TDRD9: variants seen among roughly 807,000 people sequenced by gnomAD.
The protein encoded by TDRD9 is tudor domain containing 9, also known as ATP-dependent RNA helicase TDRD9.
In TDRD9, 124 loss-of-function variants were observed where a neutral mutation model predicts 172.6. The ratio of observed to expected loss-of-function variants is 0.72; its 90% confidence interval spans 0.62 to 0.83. The LOEUF is 0.83. TDRD9 is among the 40% of genes least tolerant of loss of function. The pLI, the probability that TDRD9 is intolerant of heterozygous loss-of-function variation, is 0.00. For synonymous variants in TDRD9, 619 were observed against 617.1 expected (o/e 1.00, Z -0.05); for missense variants, 1,479 against 1,714.1 (o/e 0.86, Z 2.42).
At position 104,026,717 on chromosome 14, in the gene TDRD9, A is replaced by C; in HGVS notation, c.3060A>C (p.Ala1020=). Reference sequence around the variant, plus strand: ...AGATTTGCAAAATGAGACCATCAGCAAAGTCTCTTGTTTGTGGCAAGCACT... The same window carrying C: ...AGATTTGCAAAATGAGACCATCAGCCAAGTCTCTTGTTTGTGGCAAGCACT... ...EFKICKMRPS[A]KSLVCGKHWS... is the part of the protein sequence containing the mutation. Residue 1020 remains alanine, a synonymous_variant, in exon 28 of 36, where the codon GCA becomes GCC. Transcript: ENST00000409874. The C allele has an allele frequency of 6.2e-7, 1 of 1,614,062 alleles. No individual in the cohort carries two copies. Among genetic ancestry groups the C allele is most frequent in the Non-Finnish European group, 8.5e-7 (1 of 1,179,884 alleles).
At chr14:103,938,916 G>A (rs938775635) in intron 1 of TDRD9, among the ~76,000 whole-genome samples, 2 of 152,102 alleles carry the variant, frequency 1.3e-5, no homozygotes, top group African/African-American at 4.8e-5. Context: ...ACCCTCACAG[G>A]ATATGAGTAT....
At chr14:103,995,848 T>G in intron 12 of TDRD9, 41 bp downstream of exon 12, 1 of 1,546,918 alleles carries the variant, frequency 6.5e-7, no homozygotes, top group Non-Finnish European at 8.8e-7. Flanking sequence ...TTAGCTGTAG[T>G]GCCATATTTA....
At chr14:103,956,138 AT>A (rs1566738440) in intron 2 of TDRD9, among the ~76,000 whole-genome samples, 13 of 111,418 alleles carry the variant, frequency 1.2e-4, no homozygotes, top group African/African-American at 3.7e-4. Flanking sequence ...ATATATATAT[AT>A]ATATATATAT....
At chr14:103,993,928 C>T (rs749067370) in intron 9 of TDRD9, among the ~76,000 whole-genome samples, 33 of 152,142 alleles carry the variant, frequency 2.2e-4, no homozygotes, top group African/African-American at 7.0e-4. Flanking sequence ...GCAAACAGGA[C>T]GGAGGCCTGA....
chr14:103,989,730 C>T (rs2033800586), intron 8 of TDRD9, among the ~76,000 whole-genome samples: 1 of 152,180 alleles, frequency 6.6e-6, no homozygotes, highest in Non-Finnish European at 1.5e-5. Context: ...TGGTAGCAGC[C>T]GGATGAGTCT....
At position 104,031,165 on chromosome 14, in the gene TDRD9, GGCTCT is replaced by G; in HGVS notation, c.3342_3346del (p.Ser1115AlafsTer23). 1 of 1,551,622 alleles carries G rather than the reference GGCTCT, an allele frequency of 6.4e-7. No homozygotes were observed. Among genetic ancestry groups the G allele is most frequent in the Non-Finnish European group, 8.7e-7 (1 of 1,146,938 alleles). On this transcript the variant is annotated frameshift_variant, in exon 29 of 36. Coordinates refer to ENST00000409874, the MANE Select transcript of TDRD9 (RefSeq NM_153046.3). LOFTEE classifies it high-confidence loss of function. Reference sequence around the variant, plus strand: ...CAAGTCAGTAGAAAACATGACAGATGGCTCTGTGCCCTTTCCCATGAAAGACGACG... The same window carrying G: ...CAAGTCAGTAGAAAACATGACAGATGGTGCCCTTTCCCATGAAAGACGACG...
chr14:103,955,516 C>T, intron 1 of TDRD9, 148 bp from the exon 2 acceptor site: 1 of 530,336 alleles, frequency 1.9e-6, no homozygotes, highest in East Asian at 3.4e-5. Flanking sequence ...TAATTTGCAT[C>T]TGCCTGGTAA....
intron 7 of TDRD9, among the ~76,000 whole-genome samples, chr14:103,985,335 C>G (rs1489911976): frequency 6.6e-6 from 1 of 152,142 alleles, no homozygotes; most frequent in East Asian, 1.9e-4. Flanking sequence ...TAGGTCCTTC[C>G]TGTGCTGTTC....
Position 104,052,050 on chromosome 14 carries a change from C to T in TDRD9, c.4117C>T (p.Gln1373Ter). ...CAGAGGGAAGAACACCTTTCTCTAC[C>T]AGCTCCACAAACTGGTTGTGCTCGG... ...SSRGKNTFLY[Q>*]LHKLVVLGT The change falls in exon 36 of 36, where the codon CAG (glutamine) becomes TAG (stop). Residue 1373 changes from glutamine to a stop codon, truncating the protein, a stop_gained. Transcript: ENST00000409874. LOFTEE classifies it high-confidence loss of function. The T allele has an allele frequency of 6.3e-7, 1 of 1,587,314 alleles. No homozygotes were observed. The highest frequency in any genetic ancestry group is 8.6e-7 in the Non-Finnish European group (1 of 1,166,414).
intron 15 of TDRD9, 60 bp downstream of exon 15, chr14:104,005,465 C>G: frequency 6.4e-7 from 1 of 1,574,754 alleles, no homozygotes; most frequent in South Asian, 1.1e-5. Flanking sequence ...TACTGTGGCT[C>G]CCTCAGTCTG....
intron 1 of TDRD9, among the ~76,000 whole-genome samples, chr14:103,938,810 G>C (rs2152118092): frequency 6.6e-6 from 1 of 152,022 alleles, no homozygotes; most frequent in East Asian, 1.9e-4. Flanking sequence ...TAAAAACATG[G>C]ATCTGTCACT....
chr14:103,978,392 T>C (rs965619315), intron 7 of TDRD9, among the ~76,000 whole-genome samples: 13 of 152,260 alleles, frequency 8.5e-5, no homozygotes, highest in African/African-American at 2.4e-4. Context: ...AAAGAAAGCA[T>C]AGGGAAAATG....
intron 1 of TDRD9, among the ~76,000 whole-genome samples, chr14:103,930,191 G>GT (rs113848119): frequency 2.0e-3 from 290 of 145,022 alleles, no homozygotes; most frequent in Middle Eastern, 0.011. Context: ...CTTTTTCTTG[G>GT]TTTTTTTTTT....
At chr14:103,977,152 T>G (rs895291644) in intron 7 of TDRD9, among the ~76,000 whole-genome samples, 3 of 152,188 alleles carry the variant, frequency 2.0e-5, no homozygotes, top group African/African-American at 7.2e-5. Flanking sequence ...GTATGCCTTC[T>G]GTTTAGAAAA....
intron 32 of TDRD9, among the ~76,000 whole-genome samples, chr14:104,036,074 T>C (rs530019186): frequency 1.0e-3 from 156 of 152,282 alleles, no homozygotes; most frequent in Non-Finnish European, 1.2e-3. Context: ...CATTTTTAAA[T>C]TTATAGATTT....
intron 18 of TDRD9, 61 bp downstream of exon 18, chr14:104,006,906 TAC>T: frequency 7.1e-7 from 1 of 1,405,512 alleles, no homozygotes. Flanking sequence ...TACATTTTCA[TAC>T]CACAAACATA....
intron 1 of TDRD9, among the ~76,000 whole-genome samples, chr14:103,935,028 C>T (rs1056596504): frequency 2.6e-5 from 4 of 152,188 alleles, no homozygotes; most frequent in African/African-American, 4.8e-5. Context: ...CTGAATGCAG[C>T]GAAGACTGAT....
intron 12 of TDRD9, among the ~76,000 whole-genome samples, chr14:103,996,326 A>T (rs1396902496): frequency 1.3e-5 from 2 of 152,212 alleles, no homozygotes; most frequent in Non-Finnish European, 2.9e-5. Context: ...CTGGCAGTAC[A>T]GTGGTGAGTA....
chr14:103,986,858 G>A (rs1252506946), intron 8 of TDRD9, among the ~76,000 whole-genome samples: 3 of 152,190 alleles, frequency 2.0e-5, no homozygotes, highest in African/African-American at 7.2e-5. Flanking sequence ...GCTCATGCCT[G>A]TAATCCCAGC....
Sources: gnomAD v4.1 joint callset for allele counts (sites outside exome capture counted in the v4.1 genomes callset) on GRCh38, gnomAD v4.1.1 for gene constraint, MANE v1.5 for transcripts, NCBI Gene and HGNC (gene_info 2026-07-23, HGNC 2026-07-21) for gene names.